TENM4: variants seen among roughly 807,000 people sequenced by gnomAD.
The protein encoded by TENM4 is teneurin transmembrane protein 4.
TENM4 carries 82 observed loss-of-function variants against 243.3 expected under a neutral mutation model. That is an observed-to-expected ratio of 0.34 (90% confidence interval 0.28 to 0.40). TENM4 has a LOEUF of 0.40. Among genes scored for constraint, TENM4 ranks in the 10% least tolerant of loss-of-function variants. TENM4 has a pLI of 1.00. For missense variants in TENM4, 3,138 were observed against 3,673.3 expected (o/e 0.85, Z 3.77); for synonymous variants, 1,412 against 1,456.3 (o/e 0.97, Z 0.69).
At chr11:78,736,053 A>G (rs1443551757) in intron 20 of TENM4, among the ~76,000 whole-genome samples, 3 of 152,014 alleles carry the variant, frequency 2.0e-5, no homozygotes, top group African/African-American at 7.3e-5. Flanking sequence ...CCTGGGCTCA[A>G]GCAATCCTCC....
chr11:79,327,747 A>G (rs1033624229), intron 1 of TENM4, among the ~76,000 whole-genome samples: 1 of 151,840 alleles, frequency 6.6e-6, no homozygotes, highest in Non-Finnish European at 1.5e-5. Context: ...TGGCGAAAAG[A>G]AATCTAAGTC....
chr11:78,758,873 GT>G (rs1856370889), intron 18 of TENM4, among the ~76,000 whole-genome samples: 1 of 152,200 alleles, frequency 6.6e-6, no homozygotes, highest in South Asian at 2.1e-4. Flanking sequence ...CTTTGGGCAA[GT>G]TACTTAAACT....
At chr11:78,849,443 C>T (rs1041015872) in intron 12 of TENM4, among the ~76,000 whole-genome samples, 1 of 152,144 alleles carries the variant, frequency 6.6e-6, no homozygotes, top group Non-Finnish European at 1.5e-5. Flanking sequence ...GCTAGTCAAC[C>T]AAGCTTTCTG....
chr11:79,309,638 G>A (rs1240471830), intron 1 of TENM4, among the ~76,000 whole-genome samples: 1 of 152,230 alleles, frequency 6.6e-6, no homozygotes, highest in Non-Finnish European at 1.5e-5. Flanking sequence ...TAAGCAGGCA[G>A]AGATCCAAGT....
chr11:79,139,749 A>AATATATATATATTTATATAAATATAAT (rs71050211), intron 4 of TENM4, among the ~76,000 whole-genome samples: 24 of 59,400 alleles, frequency 4.0e-4, no homozygotes, highest in Non-Finnish European at 5.9e-4. Context: ...ATAAATATAT[A>AATATATATATATTTATATAAATATAAT]ATATATATTA....
At chr11:78,927,936 C>T (rs899638258) in intron 6 of TENM4, among the ~76,000 whole-genome samples, 6 of 152,156 alleles carry the variant, frequency 3.9e-5, no homozygotes, top group Non-Finnish European at 1.5e-5. Context: ...AACTTCCCGA[C>T]AGCCCAAGGG....
At chr11:79,133,486 T>A (rs1862050663) in intron 4 of TENM4, among the ~76,000 whole-genome samples, 1 of 151,862 alleles carries the variant, frequency 6.6e-6, no homozygotes, top group Admixed American at 6.6e-5. Context: ...GAAGGAACCC[T>A]CCCTAATTCA....
At chr11:79,344,418 G>C (rs963228808) in intron 1 of TENM4, among the ~76,000 whole-genome samples, 9 of 152,300 alleles carry the variant, frequency 5.9e-5, no homozygotes, top group African/African-American at 2.2e-4. Context: ...GGAAGAGCCA[G>C]AGAATGAGAA....
chr11:79,114,706 AT>A (rs1031628647), intron 4 of TENM4, among the ~76,000 whole-genome samples: 1 of 152,216 alleles, frequency 6.6e-6, no homozygotes, highest in African/African-American at 2.4e-5. Context: ...ATGTTACATA[AT>A]TTATGTAACT....
intron 1 of TENM4, among the ~76,000 whole-genome samples, chr11:79,298,717 G>C (rs1170873144): frequency 2.0e-5 from 3 of 152,028 alleles, no homozygotes; most frequent in Non-Finnish European, 1.5e-5. Flanking sequence ...ACCACCCTGG[G>C]AGAGTTTACA....
chr11:79,343,655 T>TAA (rs57907479), intron 1 of TENM4, among the ~76,000 whole-genome samples: 1 of 146,376 alleles, frequency 6.8e-6, no homozygotes, highest in African/African-American at 2.5e-5. Context: ...TAGCTAAGTT[T>TAA]AAAAAAAAAA....
intron 6 of TENM4, among the ~76,000 whole-genome samples, chr11:78,988,902 C>T (rs1483388495): frequency 6.6e-6 from 1 of 152,226 alleles, no homozygotes; most frequent in Non-Finnish European, 1.5e-5. Context: ...GTCTCACACT[C>T]CTGAGCTCAA....
chr11:78,769,609 C>T (rs1171410698), intron 18 of TENM4, among the ~76,000 whole-genome samples: 1 of 152,204 alleles, frequency 6.6e-6, no homozygotes, highest in Non-Finnish European at 1.5e-5. Context: ...ATGAACTCCA[C>T]AAGTTTTAGA....
rs1282267918 is a variant in TENM4 at position 78,903,360 on chromosome 11, C to A, written c.657G>T (p.Ser219=). Residue 219 remains serine (S), a synonymous_variant, in exon 7 of 34, where the codon TCG becomes TCT. Transcript: ENST00000278550. ...CGCCGGCAGGGGGCTCTCCGGAGAGCGAGTGGTCCGTGGGGGCCGGGCTGG... is the reference window on the plus strand; with the variant it reads ...CGCCGGCAGGGGGCTCTCCGGAGAGAGAGTGGTCCGTGGGGGCCGGGCTGG... The part of the protein sequence containing the change: ...SNPSPAPTDH[S]LSGEPPAGGA... The A allele has an allele frequency of 1.3e-6, 2 of 1,496,510 alleles. No homozygotes were observed. Among genetic ancestry groups the A allele is most frequent in the South Asian group, 2.6e-5 (2 of 76,992 alleles). 92.7% of individuals were successfully genotyped at this position (1,496,510 alleles called of 1,614,324 possible). A position where few individuals can be genotyped will look rare whatever the true frequency, so the allele number is the denominator to read the frequency against.
intron 6 of TENM4, among the ~76,000 whole-genome samples, chr11:78,952,840 G>A (rs972604490): frequency 6.6e-6 from 1 of 152,146 alleles, no homozygotes; most frequent in African/African-American, 2.4e-5. Context: ...GGGCAACTGG[G>A]TAAGAGAGGT....
intron 4 of TENM4, chr11:79,096,372 T>C (rs1470720051): frequency 6.6e-6 from 1 of 152,228 alleles, no homozygotes; most frequent in Non-Finnish European, 1.5e-5. Flanking sequence ...ATTAGGATGA[T>C]GTACTGACAA....
At chr11:78,729,713 C>T in intron 21 of TENM4, 70 bp from the exon 22 acceptor site, 1 of 1,523,258 alleles carries the variant, frequency 6.6e-7, no homozygotes, top group Non-Finnish European at 8.8e-7. Context: ...GATGGCGTGG[C>T]CCCATGGACT....
intron 3 of TENM4, among the ~76,000 whole-genome samples, chr11:79,157,690 T>C (rs978164462): frequency 6.6e-6 from 1 of 152,180 alleles, no homozygotes; most frequent in Non-Finnish European, 1.5e-5. Context: ...CTACTCCTCT[T>C]CTAAGGCCTC....
Position 79,409,138 on chromosome 11 carries a change from G to T in TENM4, c.-321+31371C>A, listed in dbSNP as rs750586255. ...CGTGCGTGCACGCGCACGCACATGC[G>T]TGAGAGTTAGTGGTTTTAGAATAAG... is the stretch of plus-strand genomic sequence containing the variant. On this transcript the variant is annotated intron_variant, in intron 1 of 33. Transcript: ENST00000278550. 2.3e-4 allele frequency among the ~76,000 whole-genome samples: 35 copies of T among 150,980 alleles called. 1 individual carries two copies. The highest frequency in any genetic ancestry group is 3.8e-4 in the Non-Finnish European group (26 of 67,770).
Sources: allele counts gnomAD v4.1 joint callset (sites outside exome capture counted in the v4.1 genomes callset), GRCh38; gene constraint gnomAD v4.1.1; transcripts MANE v1.5; gene names NCBI Gene and HGNC (gene_info 2026-07-23, HGNC 2026-07-21).